RBFOX1: variants seen among roughly 807,000 people sequenced by gnomAD.
The protein encoded by RBFOX1 is RNA binding protein fox-1 homolog 1.
Under a neutral mutation model 57.7 loss-of-function variants are expected in RBFOX1, and 8 were observed. The ratio of observed to expected loss-of-function variants is 0.14; its 90% CI spans 0.08 to 0.25. The LOEUF (loss-of-function observed/expected upper bound fraction) is 0.25. Ranked by LOEUF, RBFOX1 falls within the 10% of genes least tolerant of loss-of-function variation. The pLI is 1.00. For synonymous variants in RBFOX1, 326 were observed against 222.4 expected (o/e 1.47, Z -4.15); for missense variants, 611 against 548.5 (o/e 1.11, Z -1.14).
intron 2 of RBFOX1, among the ~76,000 whole-genome samples, chr16:6,419,363 T>A (rs549366595): frequency 6.6e-6 from 1 of 152,118 alleles, no homozygotes; most frequent in African/African-American, 2.4e-5. Context: ...CTCTAAAAAG[T>A]GTGGAGTGTA....
intron 3 of RBFOX1, among the ~76,000 whole-genome samples, chr16:6,788,005 T>C (rs1377135942): frequency 2.4e-4 from 36 of 151,956 alleles, no homozygotes; most frequent in African/African-American, 8.5e-4. Context: ...GGGGGACCGC[T>C]TGAGGTCAGG....
At chr16:6,197,184 A>G (rs747871427) in intron 1 of RBFOX1, among the ~76,000 whole-genome samples, 50 of 152,102 alleles carry the variant, frequency 3.3e-4, no homozygotes, top group Non-Finnish European at 5.1e-4. Flanking sequence ...CATACGTCTT[A>G]TTTCTTCTTC....
At chr16:5,356,383 G>A (rs1286736796) in intron 1 of RBFOX1, among the ~76,000 whole-genome samples, 2 of 152,202 alleles carry the variant, frequency 1.3e-5, no homozygotes, top group African/African-American at 4.8e-5. Context: ...ACAGCCGTAG[G>A]AAACTCTATA....
chr16:6,353,274 G>A (rs945208541), intron 2 of RBFOX1, among the ~76,000 whole-genome samples: 1 of 151,922 alleles, frequency 6.6e-6, no homozygotes, highest in Non-Finnish European at 1.5e-5. Context: ...TTTCAGCCAC[G>A]TTTGAGAACC....
chr16:5,977,640 C>T (rs1284847228), intron 4 of RBFOX1, among the ~76,000 whole-genome samples: 1 of 152,022 alleles, frequency 6.6e-6, no homozygotes, highest in African/African-American at 2.4e-5. Context: ...GGAGAGCAGC[C>T]ACAGAGAAGA....
At chr16:5,949,116 T>C (rs1194597206) in intron 4 of RBFOX1, among the ~76,000 whole-genome samples, 1 of 152,112 alleles carries the variant, frequency 6.6e-6, no homozygotes, top group African/African-American at 2.4e-5. Flanking sequence ...AGAGTCTGTA[T>C]CTACTAAGAG....
chr16:5,833,486 C>G (rs993319163), intron 3 of RBFOX1, among the ~76,000 whole-genome samples: 2 of 133,422 alleles, frequency 1.5e-5, no homozygotes, highest in South Asian at 2.4e-4. Context: ...CAGAGCGAGA[C>G]TCTATCTCAA....
chr16:5,784,924 T>C (rs1313468514), intron 3 of RBFOX1, among the ~76,000 whole-genome samples: 7 of 152,104 alleles, frequency 4.6e-5, no homozygotes, highest in Non-Finnish European at 8.8e-5. Context: ...AGATTTCTCT[T>C]GTTTATAAGC....
chr16:7,303,481 C>T (rs1049055587), intron 4 of RBFOX1, among the ~76,000 whole-genome samples: 2 of 152,216 alleles, frequency 1.3e-5, no homozygotes, highest in Admixed American at 1.3e-4. Flanking sequence ...CGCCTGATGC[C>T]GGGCGCGCGG....
At chr16:5,542,157 C>T (rs1041617288) in intron 2 of RBFOX1, among the ~76,000 whole-genome samples, 17 of 151,800 alleles carry the variant, frequency 1.1e-4, no homozygotes, top group African/African-American at 2.7e-4. Flanking sequence ...CAAGAGTAAT[C>T]GACTCTGTAT....
chr16:6,036,647 T>A (rs1366869568), intron 1 of RBFOX1, among the ~76,000 whole-genome samples: 1 of 152,194 alleles, frequency 6.6e-6, no homozygotes, highest in East Asian at 1.9e-4. Flanking sequence ...TTTTCCTTTC[T>A]CCACTTTTAG....
chr16:6,100,226 G>A (rs1204900664), intron 1 of RBFOX1, among the ~76,000 whole-genome samples: 3 of 151,978 alleles, frequency 2.0e-5, no homozygotes, highest in East Asian at 1.9e-4. Flanking sequence ...GCAGTGGCCC[G>A]ATCTCGGCTC....
At chr16:5,653,434 G>T (rs945107510) in intron 3 of RBFOX1, among the ~76,000 whole-genome samples, 3 of 151,110 alleles carry the variant, frequency 2.0e-5, no homozygotes, top group African/African-American at 7.3e-5. Context: ...GGCAGGTGGG[G>T]TGTGGAGCCG....
intron 3 of RBFOX1, among the ~76,000 whole-genome samples, chr16:6,992,773 G>C (rs1363958420): frequency 7.0e-6 from 1 of 143,078 alleles, no homozygotes; most frequent in Non-Finnish European, 1.5e-5. Flanking sequence ...CTTGTGTCTA[G>C]AGTTTTTGTG....
chr16:5,866,269 A>C (rs549922273), intron 3 of RBFOX1, among the ~76,000 whole-genome samples: 2 of 152,312 alleles, frequency 1.3e-5, no homozygotes, highest in South Asian at 4.1e-4. Flanking sequence ...GTGCCCAGGC[A>C]GCTGTCTCTT....
chr16:6,562,784 C>G (rs560279262), intron 2 of RBFOX1, among the ~76,000 whole-genome samples: 90 of 150,266 alleles, frequency 6.0e-4, no homozygotes, highest in African/African-American at 2.1e-3. Flanking sequence ...GAGAAAGCTG[C>G]TATATTTTGA....
intron 2 of RBFOX1, among the ~76,000 whole-genome samples, chr16:6,573,102 G>T (rs2097368361): frequency 6.6e-6 from 1 of 152,114 alleles, no homozygotes; most frequent in African/African-American, 2.4e-5. Context: ...TCAGACCCTA[G>T]ACCATGGGCA....
At chr16:7,624,219 T>C (rs1223105411) in intron 10 of RBFOX1, among the ~76,000 whole-genome samples, 1 of 152,234 alleles carries the variant, frequency 6.6e-6, no homozygotes, top group Non-Finnish European at 1.5e-5. Flanking sequence ...AAAAGCTTTT[T>C]CTTTATGTAG....
chr16:6,212,552 A>C (rs2097305314), intron 1 of RBFOX1, among the ~76,000 whole-genome samples: 1 of 152,070 alleles, frequency 6.6e-6, no homozygotes, highest in Non-Finnish European at 1.5e-5. Context: ...CTAAAAATAC[A>C]AAAAATTAGT....
Sources: allele counts gnomAD v4.1 joint callset (sites outside exome capture counted in the v4.1 genomes callset), GRCh38; gene constraint gnomAD v4.1.1; transcripts MANE v1.5; gene names NCBI Gene and HGNC (gene_info 2026-07-23, HGNC 2026-07-21).